Variants in SNCAIP observed in about 807,000 individuals in gnomAD.
SNCAIP encodes synuclein alpha interacting protein.
A neutral mutation model predicts 86.7 loss-of-function variants in SNCAIP; 43 were observed. That is an observed-to-expected ratio of 0.50 (90% CI 0.39 to 0.64). SNCAIP has a LOEUF of 0.64. Among genes scored for constraint, SNCAIP ranks in the 30% least tolerant of loss-of-function variants. The pLI, the probability that SNCAIP is intolerant of heterozygous loss-of-function variation, is 0.00. For synonymous variants in SNCAIP, 417 were observed against 427.2 expected (o/e 0.98, Z 0.29); for missense variants, 981 against 1,103.1 (o/e 0.89, Z 1.57).
chr5:122,364,643 G>A (rs1437339861), intron 1 of SNCAIP, among the ~76,000 whole-genome samples: 3 of 152,202 alleles, frequency 2.0e-5, no homozygotes, highest in Admixed American at 6.5e-5. Context: ...TTTGCACTAC[G>A]TGCTTTGATA....
rs573222418 is a variant in SNCAIP, at chr5:122,459,552, T to C, written c.2755-3939T>C. Among the ~76,000 whole-genome samples, 6 of 152,292 alleles carry C rather than the reference T, an allele frequency of 3.9e-5. No homozygotes were observed. In the South Asian group the frequency reaches 1.0e-3, roughly 26 times the overall value. ...AGGTAATTGAAGGGTTCAGGGAGGA[T>C]TGAATTATCCTGATATTTTTCAGAT... is the stretch of plus-strand genomic sequence containing the variant. On this transcript the variant is annotated intron_variant, in intron 10 of 10. Transcript: ENST00000261368.
intron 2 of SNCAIP, among the ~76,000 whole-genome samples, chr5:122,402,595 A>ATGTC (rs1385044927): frequency 6.6e-6 from 1 of 152,128 alleles, no homozygotes; most frequent in East Asian, 1.9e-4. Flanking sequence ...TTCCCACCCT[A>ATGTC]TGTCTTGCTG....
intron 1 of SNCAIP, among the ~76,000 whole-genome samples, chr5:122,338,578 G>T (rs1756958489): frequency 6.6e-6 from 1 of 152,150 alleles, no homozygotes; most frequent in African/African-American, 2.4e-5. Context: ...ATAAAGTTAT[G>T]CTGATATTGA....
chr5:122,337,170 T>G (rs1756653326), intron 1 of SNCAIP, among the ~76,000 whole-genome samples: 1 of 152,230 alleles, frequency 6.6e-6, no homozygotes, highest in African/African-American at 2.4e-5. Context: ...ATTGTAGGTA[T>G]ACTGCACATA....
At chr5:122,333,893 T>C (rs1311445351) in intron 1 of SNCAIP, among the ~76,000 whole-genome samples, 2 of 152,208 alleles carry the variant, frequency 1.3e-5, no homozygotes, top group African/African-American at 4.8e-5. Flanking sequence ...GTGGGCTGAA[T>C]TGTTTGCAGA....
chr5:122,372,798 T>C (rs1580769653), intron 1 of SNCAIP, among the ~76,000 whole-genome samples: 1 of 152,046 alleles, frequency 6.6e-6, no homozygotes, highest in Non-Finnish European at 1.5e-5. Flanking sequence ...CTCCCTCCTC[T>C]TTCCCTTCCC....
At chr5:122,406,443 C>G (rs1773010919) in intron 3 of SNCAIP, among the ~76,000 whole-genome samples, 1 of 152,198 alleles carries the variant, frequency 6.6e-6, no homozygotes, top group Non-Finnish European at 1.5e-5. Flanking sequence ...CTGTCACTTA[C>G]AGTATACCTG....
chr5:122,448,653 T>TATCTATATA (rs1782920919), intron 8 of SNCAIP, among the ~76,000 whole-genome samples: 1 of 127,814 alleles, frequency 7.8e-6, no homozygotes, highest in Non-Finnish European at 1.6e-5. Flanking sequence ...TATATATTTT[T>TATCTATATA]ATATATATTA....
chr5:122,446,236 C>T (rs1782286245), intron 8 of SNCAIP, among the ~76,000 whole-genome samples: 1 of 152,210 alleles, frequency 6.6e-6, no homozygotes, highest in African/African-American at 2.4e-5. Flanking sequence ...AAAAGACATA[C>T]ATATTTAAAA....
chr5:122,432,187 G>A, intron 6 of SNCAIP, 105 bp downstream of exon 6: 1 of 706,012 alleles, frequency 1.4e-6, no homozygotes, highest in Non-Finnish European at 2.6e-6. Context: ...CATCAAAAAT[G>A]TATCCAAAGG....
intron 3 of SNCAIP, among the ~76,000 whole-genome samples, chr5:122,415,176 T>C (rs1366657421): frequency 6.6e-6 from 1 of 152,206 alleles, no homozygotes; most frequent in African/African-American, 2.4e-5. Flanking sequence ...CTTTCCGCTG[T>C]TCCTCCCACT....
At chr5:122,369,188 C>T (rs1763784172) in intron 1 of SNCAIP, among the ~76,000 whole-genome samples, 1 of 152,172 alleles carries the variant, frequency 6.6e-6, no homozygotes, top group Non-Finnish European at 1.5e-5. Flanking sequence ...ATTACATACT[C>T]AATTTAAAGG....
intron 1 of SNCAIP, among the ~76,000 whole-genome samples, chr5:122,324,142 A>C (rs1753553109): frequency 6.6e-6 from 1 of 152,202 alleles, no homozygotes; most frequent in Admixed American, 6.5e-5. Context: ...AGGCCCTTCC[A>C]CAAAGGGACT....
chr5:122,376,633 T>C (rs1327755930), intron 1 of SNCAIP, among the ~76,000 whole-genome samples: 2 of 152,212 alleles, frequency 1.3e-5, no homozygotes, highest in African/African-American at 2.4e-5. Flanking sequence ...GAACAAATCA[T>C]ATGTTCACTG....
At chr5:122,411,658 TCTGTGGCATTTG>T (rs1774151759) in intron 3 of SNCAIP, among the ~76,000 whole-genome samples, 1 of 152,106 alleles carries the variant, frequency 6.6e-6, no homozygotes, top group Admixed American at 6.5e-5. Context: ...TCCTGACCCT[TCTGTGGCATTTG>T]CTTTTCAAAT....
intron 1 of SNCAIP, among the ~76,000 whole-genome samples, chr5:122,337,092 G>C (rs575926991): frequency 6.6e-6 from 1 of 152,294 alleles, no homozygotes. Flanking sequence ...TGGGTCTACT[G>C]ATTCCTAATC....
At chr5:122,329,444 A>G (rs567985437) in intron 1 of SNCAIP, among the ~76,000 whole-genome samples, 13 of 152,324 alleles carry the variant, frequency 8.5e-5, no homozygotes, top group African/African-American at 3.1e-4. Flanking sequence ...TAGTTGTTAA[A>G]TTGTTCTCAA....
chr5:122,424,076 C>T (rs369614914), intron 4 of SNCAIP, among the ~76,000 whole-genome samples: 3 of 152,164 alleles, frequency 2.0e-5, no homozygotes, highest in East Asian at 1.9e-4. Flanking sequence ...AGTGCTCTCA[C>T]GCAGCTATTT....
At chr5:122,404,505 T>C (rs922309823) in intron 3 of SNCAIP, among the ~76,000 whole-genome samples, 35 of 152,190 alleles carry the variant, frequency 2.3e-4, no homozygotes, top group Admixed American at 2.2e-3. Flanking sequence ...TAAGCTTCTC[T>C]TCTTTTCCTT....
Sources: gnomAD v4.1 joint callset for allele counts (sites outside exome capture counted in the v4.1 genomes callset) on GRCh38, gnomAD v4.1.1 for gene constraint, MANE v1.5 for transcripts, NCBI Gene and HGNC (gene_info 2026-07-23, HGNC 2026-07-21) for gene names.